Variants in IMMP2L observed in about 807,000 individuals in gnomAD.
The protein encoded by IMMP2L is mitochondrial inner membrane protease subunit 2.
IMMP2L carries 18 observed loss-of-function variants against 19.3 expected under a neutral mutation model. That is an observed-to-expected ratio of 0.93 (90% CI 0.64 to 1.38). The LOEUF (loss-of-function observed/expected upper bound fraction) is 1.38, where lower values mean the gene tolerates loss of function less well. Among genes scored for constraint, IMMP2L ranks in the 40% most tolerant of loss-of-function variants. IMMP2L has a pLI of 0.00. For missense variants in IMMP2L, 233 were observed against 218.2 expected (o/e 1.07, Z -0.43); for synonymous variants, 76 against 73.0 (o/e 1.04, Z -0.21).
At chr7:111,397,518 G>A (rs1463685969) in intron 3 of IMMP2L, among the ~76,000 whole-genome samples, 2 of 152,086 alleles carry the variant, frequency 1.3e-5, no homozygotes, top group Admixed American at 6.6e-5. Context: ...GCCTTTTGAT[G>A]CCTACCACCA....
chr7:110,891,443 A>G (rs940887677), intron 4 of IMMP2L, among the ~76,000 whole-genome samples: 3 of 152,192 alleles, frequency 2.0e-5, no homozygotes, highest in Admixed American at 6.5e-5. Context: ...TCTGGCAGAG[A>G]ATAATCCCTC....
At chr7:111,072,976 GT>G (rs1385261030) in intron 3 of IMMP2L, among the ~76,000 whole-genome samples, 1 of 151,882 alleles carries the variant, frequency 6.6e-6, no homozygotes, top group East Asian at 1.9e-4. Context: ...TAGATCATTG[GT>G]AAAGGCAAAG....
chr7:110,719,855 T>C (rs1421692516), intron 5 of IMMP2L, among the ~76,000 whole-genome samples: 2 of 152,208 alleles, frequency 1.3e-5, no homozygotes, highest in African/African-American at 2.4e-5. Flanking sequence ...TGTAGTTACA[T>C]TGTAAATCAC....
chr7:111,021,482 A>C (rs923415735), intron 3 of IMMP2L, among the ~76,000 whole-genome samples: 1 of 152,366 alleles, frequency 6.6e-6, no homozygotes. Flanking sequence ...ACAGTTCTAC[A>C]TGCCTGGGGA....
chr7:111,210,566 G>A (rs1216647854), intron 3 of IMMP2L, among the ~76,000 whole-genome samples: 1 of 151,760 alleles, frequency 6.6e-6, no homozygotes, highest in Non-Finnish European at 1.5e-5. Flanking sequence ...CTTTTCTTAT[G>A]CTTGATATAT....
At chr7:110,956,482 CA>C (rs1818367885) in intron 4 of IMMP2L, among the ~76,000 whole-genome samples, 1 of 151,984 alleles carries the variant, frequency 6.6e-6, no homozygotes, top group South Asian at 2.1e-4. Context: ...ATGAACTAAA[CA>C]AAATCCAATT....
At chr7:111,454,110 C>A (rs753035862) in intron 3 of IMMP2L, among the ~76,000 whole-genome samples, 1 of 152,034 alleles carries the variant, frequency 6.6e-6, no homozygotes, top group African/African-American at 2.4e-5. Flanking sequence ...ATATAAAAAA[C>A]TTTGGACTTT....
chr7:111,397,582 T>C (rs761941789), intron 3 of IMMP2L, among the ~76,000 whole-genome samples: 8 of 152,170 alleles, frequency 5.3e-5, no homozygotes, highest in Non-Finnish European at 1.0e-4. Flanking sequence ...ACCATCAATA[T>C]TGTGTTGCTG....
chr7:110,671,668 C>G (rs1172251355), intron 5 of IMMP2L, among the ~76,000 whole-genome samples: 1 of 152,124 alleles, frequency 6.6e-6, no homozygotes, highest in Non-Finnish European at 1.5e-5. Flanking sequence ...ATGTGTGTGG[C>G]TTTTGTTCCC....
At chr7:111,364,791 T>C (rs1829608398) in intron 3 of IMMP2L, among the ~76,000 whole-genome samples, 1 of 151,740 alleles carries the variant, frequency 6.6e-6, no homozygotes, top group African/African-American at 2.4e-5. Context: ...GGCAACATGG[T>C]GAAACCCCAC....
At chr7:111,143,986 A>G (rs1803207223) in intron 3 of IMMP2L, among the ~76,000 whole-genome samples, 1 of 152,106 alleles carries the variant, frequency 6.6e-6, no homozygotes, top group African/African-American at 2.4e-5. Context: ...AAAAATTATT[A>G]TTTCCATCTC....
At chr7:111,128,683 G>T (rs1446194639) in intron 3 of IMMP2L, among the ~76,000 whole-genome samples, 2 of 152,106 alleles carry the variant, frequency 1.3e-5, no homozygotes, top group Non-Finnish European at 2.9e-5. Flanking sequence ...AAATTAGCTG[G>T]GTGTGGTGGT....
At chr7:110,802,134 T>C (rs1019318045) in intron 5 of IMMP2L, among the ~76,000 whole-genome samples, 1 of 152,086 alleles carries the variant, frequency 6.6e-6, no homozygotes, top group Non-Finnish European at 1.5e-5. Flanking sequence ...ATCTTGGTCA[T>C]CTTTGAATAT....
chr7:111,036,157 A>G (rs1791328634), intron 3 of IMMP2L, among the ~76,000 whole-genome samples: 1 of 152,216 alleles, frequency 6.6e-6, no homozygotes, highest in South Asian at 2.1e-4. Context: ...TAGAACTAAC[A>G]TAAGAAACAC....
intron 5 of IMMP2L, among the ~76,000 whole-genome samples, chr7:110,821,263 G>C (rs1803002671): frequency 6.6e-6 from 1 of 152,050 alleles, no homozygotes; most frequent in Admixed American, 6.6e-5. Flanking sequence ...TAGAATCTAG[G>C]CAGTTTGGCT....
chr7:110,695,675 T>C (rs999168585), intron 5 of IMMP2L, among the ~76,000 whole-genome samples: 4 of 152,104 alleles, frequency 2.6e-5, no homozygotes, highest in Admixed American at 6.5e-5. Flanking sequence ...AAGGATATGC[T>C]TCTAGAACAG....
chr7:111,548,083 T>G (rs76830871), intron 1 of IMMP2L, among the ~76,000 whole-genome samples: 13,764 of 152,090 alleles, frequency 0.09, 779 homozygotes, highest in African/African-American at 0.14. Context: ...GTTATGACCA[T>G]TGAATTTCCC....
At chr7:110,802,488 T>C (rs1022757140) in intron 5 of IMMP2L, among the ~76,000 whole-genome samples, 1 of 152,014 alleles carries the variant, frequency 6.6e-6, no homozygotes, top group Non-Finnish European at 1.5e-5. Flanking sequence ...ATTATTATTT[T>C]GTAATTTTAT....
chr7:110,996,804 T>C (rs1823081607), intron 3 of IMMP2L, among the ~76,000 whole-genome samples: 2 of 152,114 alleles, frequency 1.3e-5, no homozygotes, highest in South Asian at 4.1e-4. Flanking sequence ...CTAGCTGTAG[T>C]ACAACATCAC....
Sources: allele counts gnomAD v4.1 joint callset (sites outside exome capture counted in the v4.1 genomes callset), GRCh38; gene constraint gnomAD v4.1.1; transcripts MANE v1.5; gene names NCBI Gene and HGNC (gene_info 2026-07-23, HGNC 2026-07-21).